The following VPS53 variants were observed in gnomAD, a reference collection of about 807,000 sequenced individuals.
VPS53 encodes the protein VPS53 subunit of GARP complex.
Under a neutral mutation model 107.0 loss-of-function variants are expected in VPS53, and 70 were observed. That is an observed-to-expected ratio of 0.65 (90% CI 0.54 to 0.80). VPS53 has a LOEUF of 0.80. Among genes scored for constraint, VPS53 ranks in the 30% least tolerant of loss-of-function variants. The probability of loss-of-function intolerance (pLI) is 0.00; values close to 1 mark genes in which losing one functional copy is unlikely to be tolerated. For synonymous variants in VPS53, 409 were observed against 393.3 expected (o/e 1.04, Z -0.47); for missense variants, 917 against 1,049.4 (o/e 0.87, Z 1.74).
intron 11 of VPS53, among the ~76,000 whole-genome samples, chr17:610,790 T>G (rs1968833395): frequency 6.7e-6 from 1 of 149,374 alleles, no homozygotes; most frequent in Admixed American, 6.6e-5. Context: ...ATACAAAAAT[T>G]AGCCTGGCAT....
chr17:617,970 A>G (rs373983353), intron 11 of VPS53, among the ~76,000 whole-genome samples: 261 of 13,318 alleles, frequency 0.02, 1 homozygote, highest in Non-Finnish European at 0.027. Flanking sequence ...CCCCACTAAT[A>G]TTTCCCGGGT....
chr17:573,592 G>A (rs1914359735), intron 13 of VPS53, among the ~76,000 whole-genome samples: 1 of 152,186 alleles, frequency 6.6e-6, no homozygotes, highest in Admixed American at 6.6e-5. Flanking sequence ...TGGCAGGGCA[G>A]GCACTGTTCC....
At chr17:587,603 G>C (rs1917474956) in intron 12 of VPS53, among the ~76,000 whole-genome samples, 1 of 152,116 alleles carries the variant, frequency 6.6e-6, no homozygotes, top group Non-Finnish European at 1.5e-5. Flanking sequence ...TGACAGGCAA[G>C]TATTTTAAAA....
chr17:540,725 A>G (rs899342088), intron 17 of VPS53: 1 of 152,182 alleles, frequency 6.6e-6, no homozygotes, highest in Non-Finnish European at 1.5e-5. Context: ...TGGTACTACT[A>G]TCTAAATGAG....
chr17:713,630 C>T (rs1284365462), intron 1 of VPS53, among the ~76,000 whole-genome samples: 2 of 150,218 alleles, frequency 1.3e-5, no homozygotes, highest in Admixed American at 6.6e-5. Context: ...CCAACCTGGG[C>T]GAAAGAGCGA....
In VPS53 at chr17:704,836, A is replaced by G. The variant is rs75111996; in HGVS notation, c.169-5456T>C. 4.8e-3 allele frequency among the ~76,000 whole-genome samples: 734 copies of G among 152,288 alleles called. 6 individuals carry two copies. The highest frequency in any genetic ancestry group is 0.017 in the African/African-American group (700 of 41,564). ...CTGGTGGTTTCCTACAAAATTTTCA[A>G]ATCTAACACTTCTTTTTGTTTTGGT... On this transcript the variant is annotated intron_variant, in intron 2 of 21. Coordinates refer to ENST00000437048, the MANE Select transcript of VPS53 (RefSeq NM_001128159.3).
At chr17:628,348 C>T in intron 8 of VPS53, 117 bp from the exon 9 acceptor site, 2 of 1,225,628 alleles carry the variant, frequency 1.6e-6, no homozygotes, top group African/African-American at 1.5e-5. Flanking sequence ...TGCTCCTTCA[C>T]ACTCATTCTT....
chr17:707,904 C>A (rs1357139945), intron 2 of VPS53, among the ~76,000 whole-genome samples: 1 of 151,600 alleles, frequency 6.6e-6, no homozygotes, highest in African/African-American at 2.4e-5. Flanking sequence ...ATGTGGTCTC[C>A]AAAAAAACTG....
At chr17:602,958 G>A (rs148997539) in intron 11 of VPS53, among the ~76,000 whole-genome samples, 284 of 152,274 alleles carry the variant, frequency 1.9e-3, no homozygotes, top group African/African-American at 6.5e-3. Context: ...CTCTGGAGAC[G>A]AGAAGTTAAT....
At chr17:624,330 A>G (rs887936414) in intron 10 of VPS53, among the ~76,000 whole-genome samples, 3 of 152,108 alleles carry the variant, frequency 2.0e-5, no homozygotes, top group African/African-American at 7.2e-5. Flanking sequence ...CATCTCTTCA[A>G]CTAGAGAGCA....
In VPS53 at chr17:520,135, C is replaced by T. The variant is rs1195625539; in HGVS notation, c.2224-205G>A. The stretch of plus-strand genomic sequence containing the variant: ...AAGCAGCAGCAACCCAGACTAGAAA[C>T]GCCCCAGTGGCCCATCTCATCTTCA... On this transcript the variant is annotated intron_variant, in intron 20 of 21. Transcript: ENST00000437048. The surrounding 1 kb of genome is among the most constrained non-coding windows in gnomAD (Gnocchi z 4.4). Among the ~76,000 whole-genome samples, 1 of 152,188 alleles carries T rather than the reference C, an allele frequency of 6.6e-6. No homozygotes were observed. Among genetic ancestry groups the T allele is most frequent in the East Asian group, 1.9e-4 (1 of 5,202 alleles).
chr17:647,114 A>G (rs1307000663), intron 7 of VPS53, among the ~76,000 whole-genome samples: 1 of 151,976 alleles, frequency 6.6e-6, no homozygotes, highest in East Asian at 1.9e-4. Flanking sequence ...ACTCCATGAG[A>G]CTCCCTCTTC....
intron 7 of VPS53, among the ~76,000 whole-genome samples, chr17:639,696 C>T (rs1297490772): frequency 6.6e-6 from 1 of 152,206 alleles, no homozygotes; most frequent in Non-Finnish European, 1.5e-5. Context: ...ATGCTGTTTG[C>T]CTGGGTATCA....
At chr17:659,803 C>T (rs1971372210) in intron 5 of VPS53, among the ~76,000 whole-genome samples, 1 of 152,166 alleles carries the variant, frequency 6.6e-6, no homozygotes, top group Non-Finnish European at 1.5e-5. Context: ...TATCCCTTCT[C>T]TCTACTCCTT....
At chr17:641,806 G>A (rs893611976) in intron 7 of VPS53, among the ~76,000 whole-genome samples, 7 of 152,174 alleles carry the variant, frequency 4.6e-5, no homozygotes, top group African/African-American at 1.7e-4. Context: ...AGAGAACAGG[G>A]AAAACAAAAA....
chr17:519,950 G>C lies in VPS53; in HGVS notation c.2224-20C>G. Reference sequence around the variant, plus strand: ...CACTACCTACAGCGGGAGGAGACAGGAGCAAGCCCCTCAGGAAAACTACCA... The same window carrying C: ...CACTACCTACAGCGGGAGGAGACAGCAGCAAGCCCCTCAGGAAAACTACCA... On this transcript the variant is annotated intron_variant, in intron 20 of 21. Transcript: ENST00000437048. The surrounding 1 kb of genome is among the most constrained non-coding windows in gnomAD (Gnocchi z 5.0). The C allele has an allele frequency of 2.0e-6, 3 of 1,531,158 alleles. No homozygotes were observed. The South Asian group carries it at 3.6e-5, about 18-fold the overall frequency. The allele number at this position is 1,531,158 out of a possible 1,614,324, so 94.8% of individuals were successfully genotyped here.
intron 11 of VPS53, 143 bp from the exon 12 acceptor site, chr17:602,039 T>C: frequency 6.0e-6 from 3 of 499,832 alleles, no homozygotes; most frequent in Non-Finnish European, 9.9e-6. Flanking sequence ...CCAGACCACA[T>C]TCTTGCCTCC....
intron 11 of VPS53, among the ~76,000 whole-genome samples, chr17:610,133 A>T (rs1240531055): frequency 2.0e-3 from 2 of 980 alleles, no homozygotes; most frequent in Admixed American, 0.038. Flanking sequence ...TCCGTCACAC[A>T]CACACACACA....
At chr17:677,947 G>A (rs115996365) in intron 4 of VPS53, among the ~76,000 whole-genome samples, 1 of 151,896 alleles carries the variant, frequency 6.6e-6, no homozygotes, top group African/African-American at 2.4e-5. Context: ...GCAAAACCCG[G>A]ATTCCACGAG....
Sources: allele counts gnomAD v4.1 joint callset (sites outside exome capture counted in the v4.1 genomes callset), GRCh38; gene constraint gnomAD v4.1.1; non-coding constraint Gnocchi (gnomAD v3.1); transcripts MANE v1.5; gene names NCBI Gene and HGNC (gene_info 2026-07-23, HGNC 2026-07-21).